The following UBE2D2 variants were observed in gnomAD, a reference collection of about 807,000 sequenced individuals.
UBE2D2 encodes the protein ubiquitin-conjugating enzyme E2 D2.
In UBE2D2, 2 loss-of-function variants were observed where a neutral mutation model predicts 24.2. That is an observed-to-expected ratio of 0.08 (90% CI 0.03 to 0.26). The LOEUF is 0.26. Ranked by LOEUF, UBE2D2 falls within the 10% of genes least tolerant of loss-of-function variation. The probability of loss-of-function intolerance (pLI) is 1.00; values close to 1 mark genes in which losing one functional copy is unlikely to be tolerated. For synonymous variants in UBE2D2, 58 were observed against 56.5 expected (o/e 1.03, Z -0.12); for missense variants, 44 against 177.6 (o/e 0.25, Z 4.28).
At chr5:139,578,324 A>G (rs983322326) in intron 1 of UBE2D2, among the ~76,000 whole-genome samples, 1 of 152,138 alleles carries the variant, frequency 6.6e-6, no homozygotes, top group African/African-American at 2.4e-5. Flanking sequence ...ATAGAAGTAG[A>G]AGTAGTTTTA....
At chr5:139,530,563 C>G (rs964909201) in intron 1 of UBE2D2, among the ~76,000 whole-genome samples, 1 of 152,164 alleles carries the variant, frequency 6.6e-6, no homozygotes, top group East Asian at 1.9e-4. Context: ...GAAATTATTA[C>G]TAATAAAACC....
intron 1 of UBE2D2, among the ~76,000 whole-genome samples, chr5:139,553,791 A>G (rs1318859534): frequency 6.6e-6 from 1 of 152,006 alleles, no homozygotes; most frequent in Non-Finnish European, 1.5e-5. Context: ...ATTTATTTAA[A>G]TTTTTTGAGA....
At chr5:139,589,556 G>A (rs116235797) in intron 1 of UBE2D2, among the ~76,000 whole-genome samples, 1 of 152,134 alleles carries the variant, frequency 6.6e-6, no homozygotes, top group East Asian at 1.9e-4. Flanking sequence ...CAAAAAAATA[G>A]CCAAAAAACA....
At chr5:139,543,405 C>G (rs1436429590) in intron 1 of UBE2D2, among the ~76,000 whole-genome samples, 1 of 152,234 alleles carries the variant, frequency 6.6e-6, no homozygotes, top group Non-Finnish European at 1.5e-5. Flanking sequence ...TTATATCCAT[C>G]TCTTTGGCCA....
intron 1 of UBE2D2, among the ~76,000 whole-genome samples, chr5:139,578,544 C>G (rs1300644743): frequency 6.6e-6 from 1 of 151,948 alleles, no homozygotes; most frequent in Non-Finnish European, 1.5e-5. Context: ...CCTTGACCCT[C>G]TGGGCTTAAG....
chr5:139,569,472 T>A (rs555876998), intron 1 of UBE2D2, among the ~76,000 whole-genome samples: 7 of 152,312 alleles, frequency 4.6e-5, no homozygotes, highest in South Asian at 2.1e-4. Context: ...GATAGGAGTA[T>A]CTGACTCATG....
At chr5:139,544,131 T>A (rs1034332878) in intron 1 of UBE2D2, among the ~76,000 whole-genome samples, 14 of 152,056 alleles carry the variant, frequency 9.2e-5, no homozygotes, top group Admixed American at 8.5e-4. Flanking sequence ...CTGTTAAAAA[T>A]GTGTTACTCA....
intron 1 of UBE2D2, among the ~76,000 whole-genome samples, chr5:139,564,719 G>A: frequency 6.6e-6 from 1 of 152,154 alleles, no homozygotes; most frequent in East Asian, 1.9e-4. Context: ...CTCCCAAAGT[G>A]CTGGGATTGC....
intron 5 of UBE2D2, 108 bp downstream of exon 5, chr5:139,615,074 AT>A (rs1421920951): frequency 1.8e-6 from 2 of 1,088,346 alleles, no homozygotes; most frequent in Admixed American, 5.3e-5. Context: ...AGAGATAGCA[AT>A]TCTTCTTAAT....
At chr5:139,615,960 C>T (rs1183025912) in intron 5 of UBE2D2, among the ~76,000 whole-genome samples, 2 of 150,432 alleles carry the variant, frequency 1.3e-5, no homozygotes, top group African/African-American at 4.9e-5. Context: ...CTCAGCCTCC[C>T]TTGTAGCTGG....
At chr5:139,622,284 G>A (rs988402775) in intron 5 of UBE2D2, among the ~76,000 whole-genome samples, 11 of 150,940 alleles carry the variant, frequency 7.3e-5, no homozygotes, top group Admixed American at 2.0e-4. Context: ...TTGCTGTGTC[G>A]CCCAGGCTGG....
intron 5 of UBE2D2, among the ~76,000 whole-genome samples, chr5:139,620,406 A>T (rs1256150436): frequency 6.6e-6 from 1 of 152,370 alleles, no homozygotes; most frequent in South Asian, 2.1e-4. Flanking sequence ...TTAAAGGAAC[A>T]TTCAAAAATT....
chr5:139,552,040 T>C (rs1219823544), intron 1 of UBE2D2, among the ~76,000 whole-genome samples: 3 of 152,186 alleles, frequency 2.0e-5, no homozygotes, highest in Admixed American at 6.6e-5. Context: ...AAATCAAGTA[T>C]AATTCCTTGG....
intron 1 of UBE2D2, among the ~76,000 whole-genome samples, chr5:139,562,926 A>T (rs1753141894): frequency 6.6e-6 from 1 of 152,068 alleles, no homozygotes; most frequent in South Asian, 2.1e-4. Context: ...ACCGGTAGCT[A>T]CTTTTTTCTT....
intron 1 of UBE2D2, among the ~76,000 whole-genome samples, chr5:139,574,086 T>C (rs946781052): frequency 7.1e-6 from 1 of 140,012 alleles, no homozygotes; most frequent in Admixed American, 7.0e-5. Flanking sequence ...AACTTCTCTC[T>C]TTTTTTTTTT....
At chr5:139,569,257 A>T (rs1753303607) in intron 1 of UBE2D2, among the ~76,000 whole-genome samples, 1 of 152,096 alleles carries the variant, frequency 6.6e-6, no homozygotes, top group South Asian at 2.1e-4. Flanking sequence ...TTTACAAAAG[A>T]TCATTGAATT....
At chr5:139,579,641 T>A (rs2126663774) in intron 1 of UBE2D2, among the ~76,000 whole-genome samples, 1 of 152,316 alleles carries the variant, frequency 6.6e-6, no homozygotes, top group East Asian at 1.9e-4. Flanking sequence ...TCACTGTAAT[T>A]GTAACTATCT....
chr5:139,589,128 T>G (rs975570316), intron 1 of UBE2D2, among the ~76,000 whole-genome samples: 1 of 152,088 alleles, frequency 6.6e-6, no homozygotes, highest in Non-Finnish European at 1.5e-5. Context: ...CGTCTTTGGT[T>G]TGCACCTGTA....
chr5:139,553,917 C>T (rs1362907121), intron 1 of UBE2D2, among the ~76,000 whole-genome samples: 1 of 151,944 alleles, frequency 6.6e-6, no homozygotes, highest in Non-Finnish European at 1.5e-5. Flanking sequence ...GTAGCTGGGA[C>T]TACAGGTGCC....
Sources: gnomAD v4.1 joint callset for allele counts (sites outside exome capture counted in the v4.1 genomes callset) on GRCh38, gnomAD v4.1.1 for gene constraint, MANE v1.5 for transcripts, NCBI Gene and HGNC (gene_info 2026-07-23, HGNC 2026-07-21) for gene names.